CEP112: variants seen among roughly 807,000 people sequenced by gnomAD.
CEP112 encodes centrosomal protein of 112 kDa.
In CEP112, 127 loss-of-function variants were observed where a neutral mutation model predicts 153.0. The ratio of observed to expected loss-of-function variants is 0.83; its 90% CI spans 0.72 to 0.96. The LOEUF is 0.96. CEP112 is among the 40% of genes least tolerant of loss of function. The probability of loss-of-function intolerance (pLI) is 0.00; values close to 1 mark genes in which losing one functional copy is unlikely to be tolerated. For missense variants in CEP112, 1,089 were observed against 1,101.2 expected (o/e 0.99, Z 0.16); for synonymous variants, 358 against 374.4 (o/e 0.96, Z 0.51).
chr17:66,149,613 T>C (rs1186255037), intron 4 of CEP112, among the ~76,000 whole-genome samples: 1 of 152,126 alleles, frequency 6.6e-6, no homozygotes, highest in African/African-American at 2.4e-5. Context: ...TATATTGACA[T>C]ATGGTTGCTC....
At chr17:66,060,975 CCT>C (rs2066900498) in intron 11 of CEP112, among the ~76,000 whole-genome samples, 1 of 148,318 alleles carries the variant, frequency 6.7e-6, no homozygotes, top group Non-Finnish European at 1.5e-5. Flanking sequence ...GAAAAGGCAA[CCT>C]ACAGAATGGG....
At chr17:66,082,353 T>A (rs767378749) in intron 8 of CEP112, among the ~76,000 whole-genome samples, 1 of 152,234 alleles carries the variant, frequency 6.6e-6, no homozygotes, top group Non-Finnish European at 1.5e-5. Context: ...TCCAAGTATG[T>A]TTGTGAATGA....
At chr17:66,067,016 AACACAC>A (rs60964018) in intron 9 of CEP112, 139 bp from the exon 10 acceptor site, 97,553 of 263,472 alleles carry the variant, frequency 0.37, 16,973 homozygotes, top group Non-Finnish European at 0.41. Flanking sequence ...TGAAATTATA[AACACAC>A]ACACACACAC....
At chr17:65,876,348 T>C (rs898656272) in intron 20 of CEP112, among the ~76,000 whole-genome samples, 3 of 152,244 alleles carry the variant, frequency 2.0e-5, no homozygotes, top group East Asian at 3.8e-4. Context: ...TATTGGCTTA[T>C]GTATAGAAGT....
intron 21 of CEP112, among the ~76,000 whole-genome samples, chr17:65,753,140 A>G (rs912070620): frequency 7.2e-5 from 11 of 152,152 alleles, no homozygotes; most frequent in African/African-American, 2.7e-4. Context: ...TGATTTGTTT[A>G]TTTTCATATC....
At chr17:66,005,936 A>ACTATT (rs1357638870) in intron 16 of CEP112, among the ~76,000 whole-genome samples, 167 bp from the exon 17 acceptor site, 1 of 151,988 alleles carries the variant, frequency 6.6e-6, no homozygotes, top group Non-Finnish European at 1.5e-5. Context: ...TCAATACTAT[A>ACTATT]CTCAAATACC....
At position 65,778,384 on chromosome 17, in the gene CEP112, G is replaced by C. The variant is rs564766666; in HGVS notation, c.2395-27660C>G. On this transcript the variant is annotated intron_variant, in intron 21 of 26. Coordinates refer to ENST00000535342, the MANE Select transcript of CEP112 (RefSeq NM_001199165.4). ...TAATCCTACCAATATACCATGACTA[G>C]TTCATATGCTAACATTGTTTTCTTT... is the stretch of plus-strand genomic sequence containing the variant. Among the ~76,000 whole-genome samples the C allele has an allele frequency of 4.6e-5, 7 of 152,248 alleles. No individual in the cohort carries two copies. In the East Asian group the frequency reaches 1.4e-3, roughly 29 times the overall value.
At chr17:66,043,965 C>G (rs1051370040) in intron 12 of CEP112, among the ~76,000 whole-genome samples, 1 of 152,162 alleles carries the variant, frequency 6.6e-6, no homozygotes, top group African/African-American at 2.4e-5. Context: ...AAATCAGGAG[C>G]TGCTCAGCAA....
At chr17:65,675,910 G>A (rs1057039881) in intron 24 of CEP112, among the ~76,000 whole-genome samples, 2 of 152,048 alleles carry the variant, frequency 1.3e-5, no homozygotes, top group Admixed American at 6.6e-5. Context: ...ACATCTACTT[G>A]TGATTTTAAA....
chr17:65,700,458 G>T (rs1055752507), intron 23 of CEP112, among the ~76,000 whole-genome samples: 1 of 152,284 alleles, frequency 6.6e-6, no homozygotes, highest in Non-Finnish European at 1.5e-5. Context: ...TAATGTGGGA[G>T]CTGGAGGGTT....
rs1019946839 is a variant in CEP112 at position 65,765,145 on chromosome 17, C to T, written c.2395-14421G>A. On this transcript the variant is annotated intron_variant, in intron 21 of 26. Transcript: ENST00000535342. ...ATTCTTCAGGTCCAAGATTTCTGTT[C>T]GGTTCTTCGTTATGATACCTATCTC... is the stretch of plus-strand genomic sequence containing the variant. 2.1e-4 allele frequency among the ~76,000 whole-genome samples: 28 copies of T among 132,534 alleles called. No homozygotes were observed. The East Asian group carries it at 2.2e-3, about 11-fold the overall frequency. 86.9% of individuals were successfully genotyped at this position (132,534 alleles called of 152,430 possible).
chr17:66,023,870 A>T (rs1471162048), intron 16 of CEP112, among the ~76,000 whole-genome samples: 1 of 152,160 alleles, frequency 6.6e-6, no homozygotes. Context: ...GCATGAACAA[A>T]AAAAGTAAAG....
chr17:66,101,847 C>T (rs2068582409), intron 6 of CEP112, among the ~76,000 whole-genome samples: 1 of 151,726 alleles, frequency 6.6e-6, no homozygotes, highest in Admixed American at 6.6e-5. Flanking sequence ...TGGAAAGACA[C>T]TGCAAAAAAC....
chr17:65,654,056 CAAAA>C (rs773433478), intron 24 of CEP112, among the ~76,000 whole-genome samples: 244 of 26,842 alleles, frequency 9.1e-3, no homozygotes, highest in East Asian at 0.032. Flanking sequence ...AAGACTCCAT[CAAAA>C]AAAAAAAAAA....
At chr17:65,640,837 C>A in intron 25 of CEP112, 127 bp downstream of exon 25, 5 of 599,170 alleles carry the variant, frequency 8.3e-6, no homozygotes, top group African/African-American at 1.9e-5. Context: ...AAAATTTATC[C>A]TGAGTAGTAG....
chr17:65,908,059 G>A (rs2060147387), intron 19 of CEP112, among the ~76,000 whole-genome samples: 1 of 152,148 alleles, frequency 6.6e-6, no homozygotes, highest in Non-Finnish European at 1.5e-5. Flanking sequence ...CATAATACAT[G>A]CTACAAGGGA....
In CEP112 at chr17:66,005,779, C is replaced by T; in HGVS notation, c.1657-10G>A. The T allele has an allele frequency of 6.3e-7, 1 of 1,590,152 alleles. No homozygotes were observed. Among genetic ancestry groups the T allele is most frequent in the Non-Finnish European group, 8.5e-7 (1 of 1,172,762 alleles). On this transcript the variant is annotated splice_polypyrimidine_tract_variant and intron_variant, in intron 16 of 26. Coordinates refer to ENST00000535342, the MANE Select transcript of CEP112 (RefSeq NM_001199165.4). ...TCTGCAAGTCATGAGCCTGCCATGA[C>T]AAGAACATGGAAAATTTATTGGAAG...
At chr17:65,970,590 A>C (rs1024625358) in intron 17 of CEP112, among the ~76,000 whole-genome samples, 6 of 152,088 alleles carry the variant, frequency 3.9e-5, no homozygotes, top group African/African-American at 1.2e-4. Flanking sequence ...CGTGCATTTT[A>C]TATATTACCT....
intron 24 of CEP112, among the ~76,000 whole-genome samples, chr17:65,664,282 T>C (rs901144420): frequency 1.8e-4 from 27 of 151,956 alleles, no homozygotes; most frequent in African/African-American, 6.0e-4. Flanking sequence ...CGAAAATGAG[T>C]GTGGCTGGTG....
Sources: gnomAD v4.1 joint callset for allele counts (sites outside exome capture counted in the v4.1 genomes callset) on GRCh38, gnomAD v4.1.1 for gene constraint, MANE v1.5 for transcripts, NCBI Gene and HGNC (gene_info 2026-07-23, HGNC 2026-07-21) for gene names.